Variants in SOX13 observed in about 807,000 individuals in gnomAD.
SOX13 encodes SRY-box transcription factor 13.
SOX13 carries 28 observed loss-of-function variants against 71.8 expected under a neutral mutation model. The observed-to-expected ratio is 0.39, with a 90% CI of 0.29 to 0.53. The LOEUF (loss-of-function observed/expected upper bound fraction) is 0.53, where lower values mean the gene tolerates loss of function less well. SOX13 is among the 20% of genes least tolerant of loss of function. The pLI is 0.70. For synonymous variants in SOX13, 309 were observed against 317.8 expected (o/e 0.97, Z 0.29); for missense variants, 627 against 810.3 (o/e 0.77, Z 2.75).
In SOX13 at chr1:204,123,891, C is replaced by CCATA; in HGVS notation, c.1375+89_1375+92dup. On this transcript the variant is annotated intron_variant, in intron 12 of 13. Transcript: ENST00000367204. The surrounding 1 kb of genome is among the most constrained non-coding windows in gnomAD (Gnocchi z 5.0). ...TATTCAGGGCTTGCTTGGTGATATTCCATACTGTGTTGGACTCCAGTGGAA... is the reference window on the plus strand; with the variant it reads ...TATTCAGGGCTTGCTTGGTGATATTCCATACATACTGTGTTGGACTCCAGTGGAA... 6.8e-7 allele frequency: 1 copy of CCATA among 1,469,344 alleles called. No homozygotes were observed. Among genetic ancestry groups the CCATA allele is most frequent in the Non-Finnish European group, 9.4e-7 (1 of 1,066,576 alleles). The allele number at this position is 1,469,344 out of a possible 1,614,324, so 91.0% of individuals were successfully genotyped here.
rs1180248685 is a variant in SOX13, at chr1:204,113,083, G to A, written c.168G>A (p.Gln56=). ...CTGGAGACCCAGCCCGGGCCTCCCAGGATAGTGCTGACCCCCAAGCTCCAG... is the reference window on the plus strand; with the variant it reads ...CTGGAGACCCAGCCCGGGCCTCCCAAGATAGTGCTGACCCCCAAGCTCCAG... ...PQPGDPARAS[Q]DSADPQAPAQ... is the part of the protein sequence containing the mutation. The change falls in exon 2 of 14, where the codon CAG becomes CAA. Residue 56 remains glutamine, a synonymous_variant. Transcript: ENST00000367204. The A allele has an allele frequency of 6.3e-7, 1 of 1,595,266 alleles. No homozygotes were observed. The highest frequency in any genetic ancestry group is 8.5e-7 in the Non-Finnish European group (1 of 1,171,780).
At position 204,117,183 on chromosome 1, in the gene SOX13, A is replaced by G; in HGVS notation, c.653A>G (p.Gln218Arg). The change falls in exon 6 of 14, where the codon CAG (glutamine) becomes CGG (arginine). Residue 218 changes from glutamine to arginine, a missense_variant. Physicochemically the swap from Gln to Arg is conservative, Grantham distance 43. Transcript: ENST00000367204. ...CATAAGATCAACCTCCTTCAGCAGC[A>G]GATCCAGGTAACCGGAGGGGAGACC... Reference protein sequence around the residue: ...QQHKINLLQQQIQQVNMPYVM... With the variant: ...QQHKINLLQQRIQQVNMPYVM... The G allele has an allele frequency of 6.2e-7, 1 of 1,613,970 alleles. No individual in the cohort carries two copies. The highest frequency in any genetic ancestry group is 1.1e-5 in the South Asian group (1 of 91,084).
At chr1:204,101,879 C>T (rs1656367581) in intron 1 of SOX13, among the ~76,000 whole-genome samples, 2 of 152,202 alleles carry the variant, frequency 1.3e-5, no homozygotes, top group South Asian at 4.1e-4. Flanking sequence ...GTGTGCCAGG[C>T]ACTGGGCTTT....
intron 4 of SOX13, among the ~76,000 whole-genome samples, chr1:204,115,492 T>TAA (rs71145062): frequency 0.18 from 8,978 of 50,232 alleles, 872 homozygotes; most frequent in East Asian, 0.23. Flanking sequence ...TTTTTTTTTT[T>TAA]AAAAAAAAAA....
intron 12 of SOX13, among the ~76,000 whole-genome samples, chr1:204,124,028 C>T (rs1656867020): frequency 1.3e-5 from 2 of 152,048 alleles, no homozygotes; most frequent in Non-Finnish European, 2.9e-5. Flanking sequence ...AAGGAGTGTG[C>T]GTGTGTGTGT....
intron 1 of SOX13, among the ~76,000 whole-genome samples, chr1:204,080,900 T>C (rs1010595092): frequency 4.0e-5 from 6 of 150,490 alleles, no homozygotes; most frequent in Admixed American, 1.3e-4. Context: ...CAATATCCTT[T>C]GTTGACTTTT....
chr1:204,075,902 A>T (rs1298143490), intron 1 of SOX13, among the ~76,000 whole-genome samples: 1 of 152,214 alleles, frequency 6.6e-6, no homozygotes, highest in Admixed American at 6.5e-5. Context: ...CCTTGTACAG[A>T]GCCCAGAAGA....
In SOX13 at chr1:204,114,345, G is replaced by A. The variant is rs934935221; in HGVS notation, c.244G>A (p.Gly82Arg). 1 of 1,609,172 alleles carries A rather than the reference G, an allele frequency of 6.2e-7. No individual in the cohort carries two copies. The highest frequency in any genetic ancestry group is 8.5e-7 in the Non-Finnish European group (1 of 1,177,594). Residue 82 changes from glycine (G) to arginine (R), a missense_variant, in exon 3 of 14, where the codon GGG becomes AGG. By Grantham distance (125) the Gly-to-Arg change is moderately radical. This residue lies in a region of SOX13 where 447 missense variants were observed against 532.2 expected (regional missense o/e 0.84). Coordinates refer to ENST00000367204, the MANE Select transcript of SOX13 (RefSeq NM_005686.3). ...GGACTGTAGCTCTCCAGAGGGTAAT[G>A]GGTCCCCAGAACCCAAGAGACCAGG... Reference protein sequence around the residue: ...SWDCSSPEGNGSPEPKRPGVS... With the variant: ...SWDCSSPEGNRSPEPKRPGVS...
chr1:204,077,098 C>T (rs1655800247), intron 1 of SOX13, among the ~76,000 whole-genome samples: 1 of 152,356 alleles, frequency 6.6e-6, no homozygotes, highest in East Asian at 1.9e-4. Flanking sequence ...GAGGATAGCT[C>T]AGCCCAGGCC....
chr1:204,104,122 C>G (rs1446624627), intron 1 of SOX13, among the ~76,000 whole-genome samples: 1 of 152,194 alleles, frequency 6.6e-6, no homozygotes, highest in East Asian at 1.9e-4. Flanking sequence ...GACTGTGATT[C>G]TGTACCTGAG....
intron 10 of SOX13, 37 bp downstream of exon 10, chr1:204,123,000 A>C (rs1166245314): frequency 1.8e-4 from 272 of 1,518,970 alleles, no homozygotes; most frequent in Non-Finnish European, 2.4e-4. Flanking sequence ...AGGGGCAGCA[A>C]CAGATGGTGG....
chr1:204,115,880 G>A (rs1408177503), intron 4 of SOX13, among the ~76,000 whole-genome samples: 1 of 151,710 alleles, frequency 6.6e-6, no homozygotes, highest in Non-Finnish European at 1.5e-5. Flanking sequence ...TGTTCAGGCT[G>A]GTCTCGAACT....
chr1:204,092,673 A>G (rs1287900583), intron 1 of SOX13, among the ~76,000 whole-genome samples: 1 of 152,158 alleles, frequency 6.6e-6, no homozygotes, highest in Non-Finnish European at 1.5e-5. Flanking sequence ...TGGTTGTTGA[A>G]GTCTGTCCTG....
chr1:204,091,499 G>A (rs1656143177), intron 1 of SOX13, among the ~76,000 whole-genome samples: 1 of 152,200 alleles, frequency 6.6e-6, no homozygotes, highest in Admixed American at 6.5e-5. Flanking sequence ...GAAAGGCACT[G>A]GGCAAGGCTA....
chr1:204,090,062 A>G (rs931720119), intron 1 of SOX13, among the ~76,000 whole-genome samples: 1 of 152,138 alleles, frequency 6.6e-6, no homozygotes, highest in Non-Finnish European at 1.5e-5. Flanking sequence ...GTGGGAGCCC[A>G]GGCTGCTTAG....
intron 7 of SOX13, chr1:204,119,203 G>A (rs1256701065): frequency 6.6e-6 from 1 of 152,328 alleles, no homozygotes; most frequent in East Asian, 1.9e-4. Flanking sequence ...TGGTGTGAAG[G>A]GGAAACACAA....
chr1:204,073,637 C>T lies in SOX13; in HGVS notation c.-76C>T, dbSNP rs866047509. The T allele has an allele frequency of 2.9e-4, 44 of 152,066 alleles. No individual in the cohort carries two copies. Among genetic ancestry groups the T allele is most frequent in the Middle Eastern group, 3.4e-3 (1 of 292 alleles). The allele number at this position is 152,066 out of a possible 1,614,324, so 9.4% of individuals were successfully genotyped here. ...AGCGGGAAGCCTAGGCTGCCAGCCG[C>T]GAGGACCGCACGGAGGAGGAGCAGG... On this transcript the variant is annotated 5_prime_UTR_variant, in exon 1 of 14. Coordinates refer to ENST00000367204, the MANE Select transcript of SOX13 (RefSeq NM_005686.3). This position sits in a 1 kb window ranked among gnomAD's most constrained non-coding sequence, Gnocchi z 6.8.
chr1:204,114,426 A>G lies in SOX13; in HGVS notation c.325A>G (p.Lys109Glu), dbSNP rs752610758. Residue 109 changes from lysine to glutamate, a missense_variant, in exon 3 of 14, where the codon AAA becomes GAA. Physicochemically the swap from Lys to Glu is moderately conservative, Grantham distance 56. Transcript: ENST00000367204. ...QEKLDFNRNL[K>E]EVVPAIEKLL... is the part of the protein sequence containing the mutation. The stretch of plus-strand genomic sequence containing the variant: ...GAAGCTGGACTTCAACCGAAATTTG[A>G]AAGAAGGTAGGATGTCTGCCCTAGT... The G allele has an allele frequency of 6.2e-7, 1 of 1,612,726 alleles. No homozygotes were observed. Among genetic ancestry groups the G allele is most frequent in the Non-Finnish European group, 8.5e-7 (1 of 1,178,970 alleles).
chr1:204,077,042 A>G (rs1356871452), intron 1 of SOX13, among the ~76,000 whole-genome samples: 1 of 152,258 alleles, frequency 6.6e-6, no homozygotes, highest in Non-Finnish European at 1.5e-5. Flanking sequence ...TAGGTCAGGC[A>G]GTGGTGGCCC....
Sources: gnomAD v4.1 joint callset for allele counts (sites outside exome capture counted in the v4.1 genomes callset) on GRCh38, gnomAD v4.1.1 for gene constraint, gnomAD v4.1.1 regional missense constraint, Gnocchi (gnomAD v3.1) non-coding constraint, MANE v1.5 for transcripts, NCBI Gene and HGNC (gene_info 2026-07-23, HGNC 2026-07-21) for gene names.